The following SNCAIP variants were observed in gnomAD, a reference collection of about 807,000 sequenced individuals.
The protein encoded by SNCAIP is synuclein alpha interacting protein.
In SNCAIP, 43 loss-of-function variants were observed where a neutral mutation model predicts 86.7. That is an observed-to-expected ratio of 0.50 (90% CI 0.39 to 0.64). SNCAIP has a LOEUF of 0.64. Among genes scored for constraint, SNCAIP ranks in the 30% least tolerant of loss-of-function variants. The pLI, the probability that SNCAIP is intolerant of heterozygous loss-of-function variation, is 0.00. For missense variants in SNCAIP, 981 were observed against 1,103.1 expected (o/e 0.89, Z 1.57); for synonymous variants, 417 against 427.2 (o/e 0.98, Z 0.29).
intron 3 of SNCAIP, among the ~76,000 whole-genome samples, chr5:122,413,948 C>G (rs532548123): frequency 1.3e-5 from 2 of 152,248 alleles, no homozygotes; most frequent in African/African-American, 4.8e-5. Context: ...CTCACTCTTT[C>G]GCCGCAGCTG....
intron 1 of SNCAIP, among the ~76,000 whole-genome samples, chr5:122,376,735 A>G (rs1765401713): frequency 6.6e-6 from 1 of 152,256 alleles, no homozygotes; most frequent in East Asian, 1.9e-4. Context: ...ATTTCACTCA[A>G]GTTCCTGGTG....
At chr5:122,428,275 G>T (rs905519748) in intron 5 of SNCAIP, among the ~76,000 whole-genome samples, 1 of 152,150 alleles carries the variant, frequency 6.6e-6, no homozygotes, top group African/African-American at 2.4e-5. Flanking sequence ...AGTGGCCCCA[G>T]GCCCATAGAC....
At chr5:122,456,430 C>A (rs1158914512) in intron 10 of SNCAIP, among the ~76,000 whole-genome samples, 1 of 152,134 alleles carries the variant, frequency 6.6e-6, no homozygotes, top group East Asian at 1.9e-4. Flanking sequence ...TTTAGGGTAT[C>A]ATTCCCCCAC....
At chr5:122,329,399 C>G (rs1271419756) in intron 1 of SNCAIP, among the ~76,000 whole-genome samples, 1 of 152,046 alleles carries the variant, frequency 6.6e-6, no homozygotes, top group Non-Finnish European at 1.5e-5. Flanking sequence ...CCGGTGTCTC[C>G]CAATATCGAA....
intron 3 of SNCAIP, among the ~76,000 whole-genome samples, chr5:122,408,968 G>T (rs934570856): frequency 5.3e-5 from 8 of 152,166 alleles, no homozygotes; most frequent in African/African-American, 1.9e-4. Context: ...TGTGAAACTT[G>T]CTCTACAGTC....
intron 6 of SNCAIP, chr5:122,436,615 A>AT (rs1779541926): frequency 1.3e-5 from 2 of 152,162 alleles, no homozygotes; most frequent in African/African-American, 4.8e-5. Context: ...TTTACATCTC[A>AT]AAAACTGGAA....
At chr5:122,442,083 A>G (rs377709693) in intron 7 of SNCAIP, among the ~76,000 whole-genome samples, 4 of 147,962 alleles carry the variant, frequency 2.7e-5, no homozygotes, top group Admixed American at 1.3e-4. Context: ...AACATGTAAT[A>G]CACTTTCTAC....
chr5:122,361,176 G>GAAA (rs749754936), intron 1 of SNCAIP, among the ~76,000 whole-genome samples: 2 of 87,626 alleles, frequency 2.3e-5, no homozygotes, highest in Non-Finnish European at 5.2e-5. Flanking sequence ...AGTCATTTTT[G>GAAA]AAAAAAAAAA....
At chr5:122,340,678 A>G (rs1283704494) in intron 1 of SNCAIP, among the ~76,000 whole-genome samples, 2 of 152,180 alleles carry the variant, frequency 1.3e-5, no homozygotes, top group East Asian at 3.8e-4. Flanking sequence ...ATACTATCCT[A>G]TTTCTCATTA....
intron 1 of SNCAIP, among the ~76,000 whole-genome samples, chr5:122,380,782 C>T (rs1246817133): frequency 6.6e-6 from 1 of 151,720 alleles, no homozygotes; most frequent in Non-Finnish European, 1.5e-5. Context: ...TTATTTCTGC[C>T]TTCATTTCGT....
chr5:122,449,811 C>G (rs1675382351), intron 8 of SNCAIP, 34 bp from the exon 9 acceptor site: 1 of 1,384,018 alleles, frequency 7.2e-7, no homozygotes. Flanking sequence ...TAACCAGTAT[C>G]AGAGTCCTCA....
At chr5:122,453,677 C>T (rs1043456973) in intron 10 of SNCAIP, among the ~76,000 whole-genome samples, 8 of 152,200 alleles carry the variant, frequency 5.3e-5, no homozygotes, top group African/African-American at 1.9e-4. Context: ...GCTTTCATCT[C>T]CCTGTGGGAT....
intron 10 of SNCAIP, chr5:122,454,633 T>C (rs1484423654): frequency 1.3e-5 from 2 of 152,690 alleles, no homozygotes; most frequent in Non-Finnish European, 2.9e-5. Context: ...TCTGTCCCCA[T>C]CTTGGGAGGA....
chr5:122,349,338 T>G (rs1759302375), intron 1 of SNCAIP, among the ~76,000 whole-genome samples: 1 of 152,134 alleles, frequency 6.6e-6, no homozygotes, highest in Non-Finnish European at 1.5e-5. Flanking sequence ...GAGGTAGAGC[T>G]TGATATGAAC....
intron 10 of SNCAIP, 136 bp from the exon 11 acceptor site, chr5:122,463,355 G>C (rs10059131): frequency 9.1e-6 from 6 of 661,188 alleles, no homozygotes; most frequent in South Asian, 5.3e-5. Flanking sequence ...AATAATTTGC[G>C]TATTGGAATG....
intron 1 of SNCAIP, among the ~76,000 whole-genome samples, chr5:122,357,764 G>A (rs897689335): frequency 2.6e-5 from 4 of 151,988 alleles, no homozygotes; most frequent in African/African-American, 9.7e-5. Flanking sequence ...AAATTAAAAT[G>A]ATGAAATAAA....
chr5:122,365,916 G>A (rs567803735), intron 1 of SNCAIP, among the ~76,000 whole-genome samples: 13 of 152,194 alleles, frequency 8.5e-5, no homozygotes, highest in Non-Finnish European at 1.5e-4. Flanking sequence ...TTTCACGGAG[G>A]AAGAGGCAGG....
chr5:122,339,537 G>T (rs540841191), intron 1 of SNCAIP, among the ~76,000 whole-genome samples: 1 of 152,170 alleles, frequency 6.6e-6, no homozygotes, highest in South Asian at 2.1e-4. Context: ...GTTTCATTTG[G>T]CATATTGTCT....
At chr5:122,325,913 T>C (rs896872960) in intron 1 of SNCAIP, among the ~76,000 whole-genome samples, 2 of 152,170 alleles carry the variant, frequency 1.3e-5, no homozygotes, top group African/African-American at 2.4e-5. Flanking sequence ...GAAGTGAGGG[T>C]TTCCTATCTT....
Sources: gnomAD v4.1 joint callset for allele counts (sites outside exome capture counted in the v4.1 genomes callset) on GRCh38, gnomAD v4.1.1 for gene constraint, MANE v1.5 for transcripts, NCBI Gene and HGNC (gene_info 2026-07-23, HGNC 2026-07-21) for gene names.